The following UNC80 variants were observed in gnomAD, a reference collection of about 807,000 sequenced individuals.
UNC80 encodes the protein protein unc-80 homolog.
A neutral mutation model predicts 384.6 loss-of-function variants in UNC80; 164 were observed. The observed-to-expected ratio is 0.43, with a 90% CI of 0.38 to 0.49. The LOEUF (loss-of-function observed/expected upper bound fraction) is 0.49. Among genes scored for constraint, UNC80 ranks in the 20% least tolerant of loss-of-function variants. The probability of loss-of-function intolerance (pLI) is 0.00; values close to 1 mark genes in which losing one functional copy is unlikely to be tolerated. For synonymous variants in UNC80, 1,486 were observed against 1,527.8 expected, an observed-to-expected ratio of 0.97 and a Z score of 0.64; for missense variants, 3,330 against 4,143.0, an observed-to-expected ratio of 0.80 and a Z score of 5.39.
intron 25 of UNC80, among the ~76,000 whole-genome samples, chr2:209,881,902 TA>T: frequency 6.6e-6 from 1 of 151,368 alleles, no homozygotes; most frequent in South Asian, 2.1e-4. Flanking sequence ...AATCGTTACA[TA>T]AACAATCTAT....
intron 37 of UNC80, 102 bp from the exon 38 acceptor site, chr2:209,930,866 T>TA (rs938191195): frequency 3.6e-5 from 26 of 714,786 alleles, no homozygotes; most frequent in Middle Eastern, 2.6e-4. Context: ...TGGGCAAAAG[T>TA]AAAAAAAATC....
chr2:209,791,538 C>T (rs918165628), intron 6 of UNC80, among the ~76,000 whole-genome samples: 6 of 152,038 alleles, frequency 3.9e-5, no homozygotes, highest in African/African-American at 1.4e-4. Flanking sequence ...CTCTTTCCTT[C>T]GTCTAAATTT....
chr2:209,823,948 A>C lies in UNC80; in HGVS notation c.2332-1959A>C, dbSNP rs760839866. Among the ~76,000 whole-genome samples, 5 of 152,318 alleles carry C rather than the reference A, an allele frequency of 3.3e-5. No individual in the cohort carries two copies. In the South Asian group the frequency reaches 1.0e-3, roughly 32 times the overall value. On this transcript the variant is annotated intron_variant, in intron 13 of 64. Coordinates refer to ENST00000673920, the MANE Select transcript of UNC80 (RefSeq NM_001371986.1). ...CATGAAGCCACAAGTAGAAAATTCC[A>C]TACCTGACCTCATGTGACAAGTCAC...
At chr2:209,871,232 T>C (rs1464269592) in intron 22 of UNC80, among the ~76,000 whole-genome samples, 1 of 152,204 alleles carries the variant, frequency 6.6e-6, no homozygotes, top group Non-Finnish European at 1.5e-5. Flanking sequence ...TACTAAGATT[T>C]ATGGGAGTAT....
Position 209,844,476 on chromosome 2 carries a change from TTTCCTTCCTTCCTTCC to T in UNC80, c.3454+2089_3454+2104del, listed in dbSNP as rs1163831109. On this transcript the variant is annotated intron_variant, in intron 21 of 64. Transcript: ENST00000673920. Reference sequence around the variant, plus strand: ...TTTTCTTTCTTTCTTTCTTTCTTTCTTTCCTTCCTTCCTTCCTTCCTTCCTTCCTTCCTTCCTTCCT... The same window carrying T: ...TTTTCTTTCTTTCTTTCTTTCTTTCTTTCCTTCCTTCCTTCCTTCCTTCCT... Among the ~76,000 whole-genome samples, 377 of 69,066 alleles carry T rather than the reference TTTCCTTCCTTCCTTCC, an allele frequency of 5.5e-3. 2 individuals are homozygous for T. Among genetic ancestry groups the T allele is most frequent in the South Asian group, 0.013 (24 of 1,872 alleles). 45.3% of individuals were successfully genotyped at this position (69,066 alleles called of 152,430 possible).
At chr2:209,886,398 C>G (rs1444437933) in intron 25 of UNC80, among the ~76,000 whole-genome samples, 2 of 151,366 alleles carry the variant, frequency 1.3e-5, no homozygotes, top group South Asian at 2.1e-4. Context: ...GACAACATAG[C>G]AAGACCCCAT....
chr2:209,851,753 A>C (rs905199936), intron 22 of UNC80, among the ~76,000 whole-genome samples: 4 of 152,020 alleles, frequency 2.6e-5, no homozygotes, highest in Non-Finnish European at 4.4e-5. Flanking sequence ...GAAAACACTG[A>C]AGCTCAGAAA....
chr2:209,839,055 C>T lies in UNC80; in HGVS notation c.3042-167C>T, dbSNP rs760381442. On this transcript the variant is annotated intron_variant, in intron 18 of 64. Coordinates refer to ENST00000673920, the MANE Select transcript of UNC80 (RefSeq NM_001371986.1). The surrounding 1 kb of genome is among the most constrained non-coding windows in gnomAD (Gnocchi z 4.1). Reference sequence around the variant, plus strand: ...TTCAAGAAGAGCTCAGAAGATGAACCTTGATCTCTTTCCTCCCACTTCAAT... The same window carrying T: ...TTCAAGAAGAGCTCAGAAGATGAACTTTGATCTCTTTCCTCCCACTTCAAT... 3.3e-4 allele frequency among the ~76,000 whole-genome samples: 50 copies of T among 152,116 alleles called. No homozygotes were observed. Among genetic ancestry groups the T allele is most frequent in the Non-Finnish European group, 7.4e-5 (5 of 68,022 alleles).
At chr2:209,948,582 G>A (rs2092015749) in intron 47 of UNC80, among the ~76,000 whole-genome samples, 4 of 152,024 alleles carry the variant, frequency 2.6e-5, no homozygotes, top group Admixed American at 2.6e-4. Context: ...AATTAATTAT[G>A]TCATCTGCAA....
At chr2:209,784,512 A>G (rs1198127333) in intron 4 of UNC80, among the ~76,000 whole-genome samples, 1 of 152,100 alleles carries the variant, frequency 6.6e-6, no homozygotes, top group African/African-American at 2.4e-5. Context: ...GTTTCTGAAC[A>G]CACTAGGCAC....
In UNC80 at chr2:209,819,063, T is replaced by C. The variant is rs1391872559; in HGVS notation, c.1764T>C (p.Tyr588=). 1 of 1,551,968 alleles carries C rather than the reference T, an allele frequency of 6.4e-7. No homozygotes were observed. The change falls in exon 12 of 65, where the codon TAT becomes TAC. Residue 588 remains tyrosine (Y), a synonymous_variant. Transcript: ENST00000673920. ...CTTTGGCGTCATTCAACGTAGGCTA[T>C]GCAGACTTTTTCAATGAGCATATGA... ...NTTLASFNVG[Y]ADFFNEHMRK... is the part of the protein sequence containing the mutation.
chr2:209,948,618 T>G (rs2092017670), intron 47 of UNC80, among the ~76,000 whole-genome samples: 1 of 152,184 alleles, frequency 6.6e-6, no homozygotes, highest in South Asian at 2.1e-4. Flanking sequence ...TTTTATCCTT[T>G]CAAATTCTTG....
intron 13 of UNC80, 133 bp downstream of exon 13, chr2:209,820,812 C>A (rs958410750): frequency 1.4e-5 from 14 of 984,150 alleles, no homozygotes; most frequent in Admixed American, 5.9e-5. Flanking sequence ...GTGGAGAAAT[C>A]TCTTCATTAG....
Position 209,976,808 on chromosome 2 carries a change from A to G in UNC80, c.8773-105A>G, listed in dbSNP as rs2093025914. The G allele has an allele frequency of 4.7e-6, 6 of 1,268,964 alleles. No homozygotes were observed. Among genetic ancestry groups the G allele is most frequent in the East Asian group, 5.1e-5 (2 of 38,978 alleles). The allele number at this position is 1,268,964 out of a possible 1,614,324, so 78.6% of individuals were successfully genotyped here. A position where few individuals can be genotyped will look rare whatever the true frequency, so the allele number is the denominator to read the frequency against. On this transcript the variant is annotated intron_variant, in intron 57 of 64. Transcript: ENST00000673920. The surrounding 1 kb of genome is among the most constrained non-coding windows in gnomAD (Gnocchi z 4.3). ...TAAAGTGCCGTTCTAGGAACATCAC[A>G]TGCATTACCTTATTTATTCCTCACA...
intron 45 of UNC80, among the ~76,000 whole-genome samples, chr2:209,943,971 A>G (rs1436862077): frequency 2.0e-5 from 3 of 152,118 alleles, no homozygotes; most frequent in African/African-American, 7.2e-5. Flanking sequence ...TATTGTAGAC[A>G]ATGGGTTGGT....
At chr2:209,888,553 A>G (rs1222087443) in intron 26 of UNC80, among the ~76,000 whole-genome samples, 3 of 152,078 alleles carry the variant, frequency 2.0e-5, no homozygotes, top group Non-Finnish European at 4.4e-5. Context: ...GAACTTTTAC[A>G]TAATGCTCTC....
chr2:209,910,649 C>CTTTTT (rs540625562), intron 29 of UNC80, among the ~76,000 whole-genome samples: 3 of 104,338 alleles, frequency 2.9e-5, no homozygotes, highest in East Asian at 2.7e-4. Context: ...AAATGCTCAT[C>CTTTTT]TTTTTTTTTT....
At chr2:209,951,977 A>G (rs2092210051) in intron 47 of UNC80, among the ~76,000 whole-genome samples, 1 of 152,072 alleles carries the variant, frequency 6.6e-6, no homozygotes, top group Admixed American at 6.5e-5. Flanking sequence ...TGTCTAATCT[A>G]CTATTAACAC....
At position 209,839,407 on chromosome 2, in the gene UNC80, G is replaced by A. The variant is rs977303978; in HGVS notation, c.3227G>A (p.Arg1076Gln). Residue 1076 changes from arginine (R) to glutamine (Q), a missense_variant, in exon 19 of 65, where the codon CGA (arginine) becomes CAA (glutamine). Arg to Gln is a conservative substitution (Grantham distance 43). Coordinates refer to ENST00000673920, the MANE Select transcript of UNC80 (RefSeq NM_001371986.1). This position sits in a 1 kb window ranked among gnomAD's most constrained non-coding sequence, Gnocchi z 4.1. ...ARSRSRRISL[R>Q]KKLKLPIGNW... The stretch of plus-strand genomic sequence containing the variant: ...TCACGATCCCGCAGAATTTCCCTCC[G>A]AAAGAAGCTTAAACTCCCCATAGGT... 1.0e-5 allele frequency: 16 copies of A among 1,552,004 alleles called. No homozygotes were observed. The highest frequency in any genetic ancestry group is 1.0e-5 in the Non-Finnish European group (12 of 1,147,058).
Sources: allele counts gnomAD v4.1 joint callset (sites outside exome capture counted in the v4.1 genomes callset), GRCh38; gene constraint gnomAD v4.1.1; non-coding constraint Gnocchi (gnomAD v3.1); transcripts MANE v1.5; gene names NCBI Gene and HGNC (gene_info 2026-07-23, HGNC 2026-07-21).